Variants in NRG1 observed in about 807,000 individuals in gnomAD.
NRG1 encodes pro-neuregulin-1, membrane-bound isoform.
In NRG1, 18 loss-of-function variants were observed where a neutral mutation model predicts 63.8. That is an observed-to-expected ratio of 0.28 (90% CI 0.19 to 0.42). The LOEUF is 0.42. Ranked by LOEUF, NRG1 falls within the 10% of genes least tolerant of loss-of-function variation. The pLI is 1.00. For synonymous variants in NRG1, 302 were observed against 301.3 expected (o/e 1.00, Z -0.02); for missense variants, 762 against 814.7 (o/e 0.94, Z 0.79).
chr8:31,857,191 G>C (rs894124754), intron 1 of NRG1, among the ~76,000 whole-genome samples: 4 of 152,254 alleles, frequency 2.6e-5, no homozygotes, highest in Non-Finnish European at 4.4e-5. Context: ...CCTGGGCAAT[G>C]GCGGGCGCCC....
chr8:32,200,456 T>A (rs1201929813), intron 1 of NRG1, among the ~76,000 whole-genome samples: 1 of 152,168 alleles, frequency 6.6e-6, no homozygotes, highest in Non-Finnish European at 1.5e-5. Context: ...TTATGTTACT[T>A]TTCTCTCATT....
At chr8:32,089,429 C>T (rs1828767966) in intron 1 of NRG1, among the ~76,000 whole-genome samples, 1 of 152,150 alleles carries the variant, frequency 6.6e-6, no homozygotes, top group Non-Finnish European at 1.5e-5. Context: ...TATTTTGTTC[C>T]CTTCTGTGGA....
intron 1 of NRG1, among the ~76,000 whole-genome samples, chr8:32,447,913 G>T (rs28707398): frequency 0.31 from 46,953 of 151,428 alleles, 7,481 homozygotes; most frequent in South Asian, 0.35. Context: ...TAAAAGGAAG[G>T]ATGACTTTCT....
intron 1 of NRG1, among the ~76,000 whole-genome samples, chr8:32,103,459 A>G (rs1327921340): frequency 6.6e-6 from 1 of 152,164 alleles, no homozygotes; most frequent in Non-Finnish European, 1.5e-5. Context: ...GTTGCTTCCA[A>G]ATATTGGCTA....
chr8:32,511,935 G>A (rs947979786), intron 1 of NRG1, among the ~76,000 whole-genome samples: 4 of 152,182 alleles, frequency 2.6e-5, no homozygotes, highest in African/African-American at 9.7e-5. Context: ...GACCAGTGGG[G>A]TAGAATTAAG....
chr8:31,921,477 TACACAC>T (rs10557313), intron 1 of NRG1, among the ~76,000 whole-genome samples: 2 of 150,804 alleles, frequency 1.3e-5, no homozygotes, highest in African/African-American at 4.9e-5. Flanking sequence ...TACACACACA[TACACAC>T]ACACACACAC....
chr8:32,492,653 A>G (rs941535560), intron 1 of NRG1, among the ~76,000 whole-genome samples: 1 of 152,080 alleles, frequency 6.6e-6, no homozygotes, highest in African/African-American at 2.4e-5. Flanking sequence ...AAGAGTACGA[A>G]CCCAAGAAAT....
chr8:32,432,377 A>G (rs984496402), intron 1 of NRG1, among the ~76,000 whole-genome samples: 1 of 152,178 alleles, frequency 6.6e-6, no homozygotes, highest in African/African-American at 2.4e-5. Context: ...CCTTTTACAA[A>G]AAAAGAAATC....
Position 31,640,172 on chromosome 8 carries a change from A to T in NRG1, c.37+741A>T. On this transcript the variant is annotated intron_variant, in intron 1 of 10. Coordinates refer to the NRG1 transcript ENST00000519301. The surrounding 1 kb of genome is among the most constrained non-coding windows in gnomAD (Gnocchi z 6.3). ...GCTCCCGCGGGGGCCTCGGTGTGCT[A>T]CTCGTCCCCGCCCAGCGTGGGATCG... is the stretch of plus-strand genomic sequence containing the variant. 6.8e-6 allele frequency: 8 copies of T among 1,184,870 alleles called. No individual in the cohort carries two copies. Among genetic ancestry groups the T allele is most frequent in the Non-Finnish European group, 8.4e-6 (8 of 957,670 alleles). The allele number at this position is 1,184,870 out of a possible 1,614,324, so 73.4% of individuals were successfully genotyped here.
chr8:32,015,247 G>T (rs1815333574), intron 1 of NRG1, among the ~76,000 whole-genome samples: 1 of 152,068 alleles, frequency 6.6e-6, no homozygotes, highest in South Asian at 2.1e-4. Flanking sequence ...AAACTGTGAT[G>T]AAATGGCTAA....
At chr8:32,027,034 T>G (rs1222901237) in intron 1 of NRG1, among the ~76,000 whole-genome samples, 1 of 152,180 alleles carries the variant, frequency 6.6e-6, no homozygotes, top group Non-Finnish European at 1.5e-5. Flanking sequence ...TTTGAGTTCT[T>G]TCCCCCTTAT....
At chr8:31,954,498 G>A (rs1258973116) in intron 1 of NRG1, among the ~76,000 whole-genome samples, 1 of 152,134 alleles carries the variant, frequency 6.6e-6, no homozygotes, top group Non-Finnish European at 1.5e-5. Flanking sequence ...TTCTCAAGAG[G>A]CATTTGTTGA....
chr8:32,664,340 G>C (rs1482963512), intron 5 of NRG1, among the ~76,000 whole-genome samples: 1 of 151,974 alleles, frequency 6.6e-6, no homozygotes, highest in Non-Finnish European at 1.5e-5. Context: ...TAAGAAGGAA[G>C]AGAATCAGAG....
intron 1 of NRG1, among the ~76,000 whole-genome samples, chr8:32,143,435 A>G (rs569057360): frequency 6.6e-6 from 1 of 152,220 alleles, no homozygotes; most frequent in South Asian, 2.1e-4. Context: ...GTTCTTCCCC[A>G]GACCATGAGC....
intron 1 of NRG1, among the ~76,000 whole-genome samples, chr8:31,959,742 A>G (rs1411551088): frequency 1.3e-5 from 2 of 151,780 alleles, no homozygotes; most frequent in Admixed American, 6.6e-5. Flanking sequence ...AAAACTAAAA[A>G]TTTCCATCCC....
At chr8:32,423,891 A>G (rs1235640233) in intron 1 of NRG1, among the ~76,000 whole-genome samples, 1 of 152,206 alleles carries the variant, frequency 6.6e-6, no homozygotes, top group Non-Finnish European at 1.5e-5. Flanking sequence ...GAACCCTGCC[A>G]TAACATATTT....
chr8:32,356,588 A>T (rs1806466821), intron 1 of NRG1, among the ~76,000 whole-genome samples: 1 of 148,192 alleles, frequency 6.7e-6, no homozygotes, highest in Non-Finnish European at 1.5e-5. Context: ...TGTTCTAATT[A>T]GTGCTGAGTA....
At chr8:32,619,753 A>G (rs1179868921) in intron 5 of NRG1, among the ~76,000 whole-genome samples, 1 of 152,170 alleles carries the variant, frequency 6.6e-6, no homozygotes, top group Non-Finnish European at 1.5e-5. Context: ...CTTTTTCATT[A>G]TACTTCTTCA....
At chr8:32,583,047 T>G (rs1027231220) in intron 1 of NRG1, among the ~76,000 whole-genome samples, 1 of 151,620 alleles carries the variant, frequency 6.6e-6, no homozygotes, top group Non-Finnish European at 1.5e-5. Flanking sequence ...TTCCAGCTAC[T>G]TTTTTTTTCT....
Sources: allele counts gnomAD v4.1 joint callset (sites outside exome capture counted in the v4.1 genomes callset), GRCh38; gene constraint gnomAD v4.1.1; non-coding constraint Gnocchi (gnomAD v3.1); transcripts MANE v1.5; gene names NCBI Gene and HGNC (gene_info 2026-07-23, HGNC 2026-07-21).